Variants in TTC7B observed in about 807,000 individuals in gnomAD.
TTC7B encodes tetratricopeptide repeat domain 7B.
A neutral mutation model predicts 106.8 loss-of-function variants in TTC7B; 28 were observed. The ratio of observed to expected loss-of-function variants is 0.26; its 90% CI spans 0.19 to 0.36. The LOEUF (loss-of-function observed/expected upper bound fraction) is 0.36, where lower values mean the gene tolerates loss of function less well. Among genes scored for constraint, TTC7B ranks in the 10% least tolerant of loss-of-function variants. The pLI is 1.00. For missense variants in TTC7B, 862 were observed against 1,076.4 expected (o/e 0.80, Z 2.79); for synonymous variants, 405 against 430.6 (o/e 0.94, Z 0.74).
intron 5 of TTC7B, among the ~76,000 whole-genome samples, chr14:90,707,374 G>A (rs894276108): frequency 3.9e-5 from 6 of 152,056 alleles, no homozygotes; most frequent in African/African-American, 1.4e-4. Flanking sequence ...ATTGAAATGA[G>A]GCCAATTAAC....
chr14:90,524,815 C>G lies in TTC7B; in HGVS notation c.*16553G>C, dbSNP rs139595376. 6.6e-6 allele frequency: 1 copy of G among 152,022 alleles called. No homozygotes were observed. The highest frequency in any genetic ancestry group is 1.9e-4 in the East Asian group (1 of 5,152). The allele number at this position is 152,022 out of a possible 1,614,324, so 9.4% of individuals were successfully genotyped here. A position where few individuals can be genotyped will look rare whatever the true frequency, so the allele number is the denominator to read the frequency against. Reference sequence around the variant, plus strand: ...GAGCTCTCAGGTGGTGCAAGGCACACGGGGATCCCCCACATTGCAGGTGGG... The same window carrying G: ...GAGCTCTCAGGTGGTGCAAGGCACAGGGGGATCCCCCACATTGCAGGTGGG... On this transcript the variant is annotated 3_prime_UTR_variant, in exon 20 of 20. Coordinates refer to ENST00000328459, the MANE Select transcript of TTC7B (RefSeq NM_001010854.2).
intron 5 of TTC7B, among the ~76,000 whole-genome samples, chr14:90,720,260 C>T (rs1888840274): frequency 6.6e-6 from 1 of 152,118 alleles, no homozygotes; most frequent in Non-Finnish European, 1.5e-5. Context: ...CCCATGACCA[C>T]CAATTGTAGG....
At chr14:90,646,350 C>T (rs1179074879) in intron 14 of TTC7B, among the ~76,000 whole-genome samples, 1 of 152,204 alleles carries the variant, frequency 6.6e-6, no homozygotes, top group African/African-American at 2.4e-5. Flanking sequence ...TCGGGAATGG[C>T]AGAGGCAGCA....
At chr14:90,811,042 C>G (rs1394680259) in intron 1 of TTC7B, among the ~76,000 whole-genome samples, 1 of 152,186 alleles carries the variant, frequency 6.6e-6, no homozygotes, top group Non-Finnish European at 1.5e-5. Context: ...ACGAGCTGCA[C>G]AGCCCCAGCC....
intron 9 of TTC7B, among the ~76,000 whole-genome samples, chr14:90,660,221 C>CA (rs1297031299): frequency 8.7e-5 from 13 of 149,058 alleles, no homozygotes; most frequent in East Asian, 5.9e-4. Context: ...CCTGTCTCTA[C>CA]AAAAAAAAAT....
chr14:90,601,053 T>G, intron 17 of TTC7B, among the ~76,000 whole-genome samples: 1 of 152,314 alleles, frequency 6.6e-6, no homozygotes, highest in East Asian at 1.9e-4. Flanking sequence ...TGAGTGCCAC[T>G]TACTGTTGGC....
At chr14:90,601,026 A>G (rs1566791857) in intron 17 of TTC7B, among the ~76,000 whole-genome samples, 1 of 151,418 alleles carries the variant, frequency 6.6e-6, no homozygotes, top group Non-Finnish European at 1.5e-5. Flanking sequence ...TGCTGGACAC[A>G]CTCCCCAACT....
intron 6 of TTC7B, among the ~76,000 whole-genome samples, chr14:90,693,859 A>C (rs1439774495): frequency 6.6e-6 from 1 of 152,232 alleles, no homozygotes; most frequent in East Asian, 1.9e-4. Context: ...TTCTAAGTAT[A>C]CAGCCAAGAG....
intron 3 of TTC7B, among the ~76,000 whole-genome samples, chr14:90,756,384 G>GTTTTTTTTTTTTTTTTTTTTTTT (rs369068692): frequency 2.4e-5 from 3 of 126,776 alleles, no homozygotes; most frequent in Non-Finnish European, 3.1e-5. Context: ...TTTTTTTTTT[G>GTTTTTTTTTTTTTTTTTTTTTTT]TTTTTTTTTT....
intron 1 of TTC7B, among the ~76,000 whole-genome samples, chr14:90,794,237 T>G: frequency 7.5e-6 from 1 of 133,426 alleles, no homozygotes; most frequent in South Asian, 2.4e-4. Flanking sequence ...TTTTTTTTTT[T>G]GAGACGGAGT....
chr14:90,667,878 C>A (rs1886472663), intron 9 of TTC7B, among the ~76,000 whole-genome samples: 1 of 152,118 alleles, frequency 6.6e-6, no homozygotes, highest in African/African-American at 2.4e-5. Flanking sequence ...GATCTAGACA[C>A]ATGAATCTGG....
At chr14:90,634,988 G>A (rs573080482) in intron 15 of TTC7B, among the ~76,000 whole-genome samples, 10 of 152,238 alleles carry the variant, frequency 6.6e-5, no homozygotes, top group African/African-American at 1.9e-4. Context: ...GACAGAGGAC[G>A]TTAAAATGAA....
chr14:90,602,561 T>A (rs1595195819), intron 17 of TTC7B, among the ~76,000 whole-genome samples: 1 of 152,034 alleles, frequency 6.6e-6, no homozygotes, highest in Middle Eastern at 3.2e-3. Context: ...ATTAGCTGGG[T>A]ATGATGGCGT....
chr14:90,677,546 C>T (rs1478257791), intron 8 of TTC7B, among the ~76,000 whole-genome samples: 1 of 152,216 alleles, frequency 6.6e-6, no homozygotes, highest in African/African-American at 2.4e-5. Flanking sequence ...TCAGAATCAA[C>T]AAAGTTAGAT....
intron 16 of TTC7B, among the ~76,000 whole-genome samples, chr14:90,616,056 C>T (rs1893059658): frequency 1.3e-5 from 2 of 152,190 alleles, no homozygotes; most frequent in African/African-American, 2.4e-5. Context: ...TTTCTCCTCA[C>T]ATTCAATATT....
chr14:90,578,157 A>T lies in TTC7B; in HGVS notation c.2259T>A (p.Tyr753Ter). 1 of 1,613,384 alleles carries T rather than the reference A, an allele frequency of 6.2e-7. No individual in the cohort carries two copies. Among genetic ancestry groups the T allele is most frequent in the Non-Finnish European group, 8.5e-7 (1 of 1,179,758 alleles). ...TGGGGCTGATGGCTAAGGCCTCTTC[A>T]TACCACCGCCGCGCCTCGTCCATGC... ...RGSMDEARRW[Y>*]EEALAISPTH... is the part of the protein sequence containing the mutation. The change falls in exon 19 of 20, where the codon TAT (tyrosine) becomes TAA (stop). Residue 753 changes from tyrosine (Y) to a stop codon, truncating the protein, a stop_gained. Coordinates refer to ENST00000328459, the MANE Select transcript of TTC7B (RefSeq NM_001010854.2). LOFTEE classifies it high-confidence loss of function. This position sits in a 1 kb window ranked among gnomAD's most constrained non-coding sequence, Gnocchi z 4.7.
At chr14:90,794,211 CTTTTTTTTTTTTT>C (rs1186061223) in intron 1 of TTC7B, among the ~76,000 whole-genome samples, 2 of 45,096 alleles carry the variant, frequency 4.4e-5, no homozygotes, top group Non-Finnish European at 9.2e-5. Flanking sequence ...CTGGGTATTT[CTTTTTTTTTTTTT>C]TTTTTTTTTT....
intron 16 of TTC7B, among the ~76,000 whole-genome samples, chr14:90,611,253 C>T (rs145199178): frequency 5.9e-5 from 9 of 152,174 alleles, no homozygotes; most frequent in Admixed American, 4.6e-4. Context: ...ATGCTCCACA[C>T]CTGCGCTTCT....
intron 3 of TTC7B, among the ~76,000 whole-genome samples, chr14:90,768,080 A>T (rs1236910943): frequency 2.0e-5 from 3 of 147,482 alleles, no homozygotes; most frequent in Non-Finnish European, 4.6e-5. Context: ...CTTGTCACAT[A>T]CAAGGGATCC....
Sources: allele counts gnomAD v4.1 joint callset (sites outside exome capture counted in the v4.1 genomes callset), GRCh38; gene constraint gnomAD v4.1.1; non-coding constraint Gnocchi (gnomAD v3.1); transcripts MANE v1.5; gene names NCBI Gene and HGNC (gene_info 2026-07-23, HGNC 2026-07-21).